RIMS2: variants seen among roughly 807,000 people sequenced by gnomAD.
RIMS2 encodes the protein regulating synaptic membrane exocytosis 2, also known as regulating synaptic membrane exocytosis protein 2.
A neutral mutation model predicts 174.4 loss-of-function variants in RIMS2; 59 were observed. That is an observed-to-expected ratio of 0.34 (90% CI 0.27 to 0.42). The LOEUF (loss-of-function observed/expected upper bound fraction) is 0.42. Among genes scored for constraint, RIMS2 ranks in the 10% least tolerant of loss-of-function variants. The probability of loss-of-function intolerance (pLI) is 1.00; values close to 1 mark genes in which losing one functional copy is unlikely to be tolerated. For missense variants in RIMS2, 1,620 were observed against 1,666.3 expected (o/e 0.97, Z 0.48); for synonymous variants, 606 against 572.5 (o/e 1.06, Z -0.84).
chr8:104,157,313 T>C (rs1562400), intron 19 of RIMS2, among the ~76,000 whole-genome samples: 43,636 of 152,100 alleles, frequency 0.29, 6,413 homozygotes, highest in Non-Finnish European at 0.32. Context: ...GAAACTAATT[T>C]AGCATTTCTT....
chr8:104,151,704 A>G (rs570661800), intron 19 of RIMS2, among the ~76,000 whole-genome samples: 1 of 152,322 alleles, frequency 6.6e-6, no homozygotes, highest in South Asian at 2.1e-4. Flanking sequence ...ATTTAAATAA[A>G]CACTTTTGAA....
exon 1 of RIMS2, chr8:103,500,946 G>A: frequency 6.2e-7 from 1 of 1,608,870 alleles, no homozygotes; most frequent in Non-Finnish European, 8.5e-7. Context: ...CCTCTCAGCC[G>A]CCTCTGCAGC....
chr8:104,009,987 TA>T (rs1565826932), intron 17 of RIMS2, among the ~76,000 whole-genome samples: 3 of 40,500 alleles, frequency 7.4e-5, no homozygotes, highest in African/African-American at 3.4e-4. Context: ...TATGGATGGA[TA>T]GATGGATGGA....
At chr8:103,751,164 T>C (rs772981142) in intron 2 of RIMS2, among the ~76,000 whole-genome samples, 2 of 152,162 alleles carry the variant, frequency 1.3e-5, no homozygotes, top group African/African-American at 2.4e-5. Context: ...TTGCCCCATC[T>C]CAGTTCCCAC....
intron 19 of RIMS2, among the ~76,000 whole-genome samples, chr8:104,041,013 G>T (rs1343825949): frequency 6.6e-6 from 1 of 151,584 alleles, no homozygotes; most frequent in Non-Finnish European, 1.5e-5. Context: ...TTTACTAATG[G>T]TATCTTTCTT....
intron 4 of RIMS2, among the ~76,000 whole-genome samples, chr8:103,903,749 C>T (rs1009591438): frequency 2.0e-5 from 3 of 152,092 alleles, no homozygotes; most frequent in African/African-American, 4.8e-5. Context: ...TTCTCTACAT[C>T]GTGCTGACAA....
intron 19 of RIMS2, among the ~76,000 whole-genome samples, chr8:104,199,533 T>C (rs2099043678): frequency 6.6e-6 from 1 of 152,172 alleles, no homozygotes; most frequent in Admixed American, 6.5e-5. Flanking sequence ...TTAACTGAAA[T>C]CGTCAGTATG....
Position 103,921,023 on chromosome 8 carries a change from AC to A in RIMS2, c.2084-648del. On this transcript the variant is annotated intron_variant, in intron 9 of 23. Coordinates refer to ENST00000504942, the Ensembl canonical transcript of RIMS2. ...CAAAGCAACAACAACAACAACAACA[AC>A]AACAACAACAACAACAACAACAAAA... 3 of 230,706 alleles carry A rather than the reference AC, an allele frequency of 1.3e-5. No individual in the cohort carries two copies. In the South Asian group the frequency reaches 1.5e-4, roughly 12 times the overall value. 14.3% of individuals were successfully genotyped at this position (230,706 alleles called of 1,614,324 possible). A position where few individuals can be genotyped will look rare whatever the true frequency, so the allele number is the denominator to read the frequency against.
intron 2 of RIMS2, 87 bp from the exon 5 acceptor site, chr8:103,716,222 A>G (rs1488571403): frequency 6.6e-6 from 1 of 152,010 alleles, no homozygotes; most frequent in Non-Finnish European, 1.5e-5. Flanking sequence ...TAAAACTCTT[A>G]CTTGTTTTAA....
downstream of RIMS2, chr8:104,255,816 G>T (rs1057471810): frequency 2.6e-5 from 4 of 152,022 alleles, no homozygotes; most frequent in Non-Finnish European, 5.9e-5. Flanking sequence ...TCTGGACTGT[G>T]AAATGTGTAT....
intron 19 of RIMS2, among the ~76,000 whole-genome samples, chr8:104,137,755 G>A (rs1274501030): frequency 6.6e-6 from 1 of 151,944 alleles, no homozygotes; most frequent in Admixed American, 6.6e-5. Context: ...GAAATTCTAC[G>A]TTAGAAAAAA....
chr8:104,083,462 T>C (rs1471806302), intron 19 of RIMS2, among the ~76,000 whole-genome samples: 1 of 152,156 alleles, frequency 6.6e-6, no homozygotes, highest in Non-Finnish European at 1.5e-5. Flanking sequence ...ATACCCTATA[T>C]CCCAATCAAT....
chr8:104,148,047 A>AT (rs894937273), intron 19 of RIMS2, among the ~76,000 whole-genome samples: 4 of 152,028 alleles, frequency 2.6e-5, no homozygotes, highest in Non-Finnish European at 5.9e-5. Flanking sequence ...AAATAAAGTT[A>AT]TTTTTTAATT....
At chr8:104,251,196 A>G in intron 23 of RIMS2, 33 bp downstream of exon 29, 21 of 1,557,562 alleles carry the variant, frequency 1.3e-5, no homozygotes, top group Non-Finnish European at 1.8e-5. Flanking sequence ...CTTACCTAAG[A>G]AAGTATTTTT....
At chr8:103,938,983 C>A (rs1344209914) in intron 13 of RIMS2, among the ~76,000 whole-genome samples, 2 of 152,156 alleles carry the variant, frequency 1.3e-5, no homozygotes, top group Non-Finnish European at 2.9e-5. Context: ...AGAGTATAAC[C>A]CCCCTCCTGG....
intron 3 of RIMS2, among the ~76,000 whole-genome samples, chr8:103,791,019 T>A (rs564154187): frequency 6.6e-6 from 1 of 152,164 alleles, no homozygotes; most frequent in Non-Finnish European, 1.5e-5. Flanking sequence ...CCAGGAGAAC[T>A]TTCCCAACCT....
intron 14 of RIMS2, among the ~76,000 whole-genome samples, chr8:103,948,783 T>C (rs2084477461): frequency 6.6e-6 from 1 of 152,110 alleles, no homozygotes; most frequent in Non-Finnish European, 1.5e-5. Flanking sequence ...TGAAAATTTC[T>C]GAACTGTATA....
At chr8:103,805,845 C>T (rs544886559) in intron 3 of RIMS2, among the ~76,000 whole-genome samples, 1 of 152,152 alleles carries the variant, frequency 6.6e-6, no homozygotes, top group African/African-American at 2.4e-5. Flanking sequence ...TTCCTTTCCT[C>T]TGCCTCAGAC....
intron 1 of RIMS2, among the ~76,000 whole-genome samples, chr8:103,524,221 G>GA (rs1369450826): frequency 4.1e-5 from 6 of 145,386 alleles, no homozygotes; most frequent in Non-Finnish European, 6.2e-5. Context: ...AGGCTAAGAA[G>GA]AAAAAAAAAG....
Sources: allele counts gnomAD v4.1 joint callset (sites outside exome capture counted in the v4.1 genomes callset), GRCh38; gene constraint gnomAD v4.1.1; transcripts MANE v1.5; gene names NCBI Gene and HGNC (gene_info 2026-07-23, HGNC 2026-07-21).